SORCS1: variants seen among roughly 807,000 people sequenced by gnomAD.
The protein encoded by SORCS1 is sortilin related VPS10 domain containing receptor 1, also known as VPS10 domain-containing receptor SorCS1.
A neutral mutation model predicts 146.1 loss-of-function variants in SORCS1; 60 were observed. The ratio of observed to expected loss-of-function variants is 0.41; its 90% CI spans 0.33 to 0.51. The LOEUF (loss-of-function observed/expected upper bound fraction) is 0.51. Ranked by LOEUF, SORCS1 falls within the 20% of genes least tolerant of loss-of-function variation. The pLI is 0.21. For missense variants in SORCS1, 1,352 were observed against 1,487.6 expected, an observed-to-expected ratio of 0.91 and a Z score of 1.50; for synonymous variants, 637 against 584.0, an observed-to-expected ratio of 1.09 and a Z score of -1.31.
At chr10:106,869,675 A>G (rs749490989) in intron 2 of SORCS1, among the ~76,000 whole-genome samples, 60 of 152,198 alleles carry the variant, frequency 3.9e-4, no homozygotes, top group Non-Finnish European at 8.1e-4. Context: ...TAAACTAGGT[A>G]TTGAAGGAAC....
At chr10:107,133,554 G>T (rs1967030380) in intron 1 of SORCS1, among the ~76,000 whole-genome samples, 1 of 152,016 alleles carries the variant, frequency 6.6e-6, no homozygotes, top group Admixed American at 6.6e-5. Flanking sequence ...TACATTTGGG[G>T]GTATCATTTT....
chr10:107,057,472 A>G (rs979149182), intron 1 of SORCS1, among the ~76,000 whole-genome samples: 3 of 152,006 alleles, frequency 2.0e-5, no homozygotes, highest in African/African-American at 7.2e-5. Flanking sequence ...GCTTTTCCCA[A>G]TTTCTACCTC....
At chr10:107,106,104 G>A (rs537637955) in intron 1 of SORCS1, among the ~76,000 whole-genome samples, 1 of 152,306 alleles carries the variant, frequency 6.6e-6, no homozygotes, top group Admixed American at 6.5e-5. Flanking sequence ...GCTGGTGGGT[G>A]AAGAAAATGA....
intron 4 of SORCS1, 99 bp from the exon 5 acceptor site, chr10:106,761,760 C>A (rs1859128022): frequency 2.9e-6 from 3 of 1,017,998 alleles, no homozygotes; most frequent in East Asian, 2.6e-5. Flanking sequence ...TAATACCCAA[C>A]ATTTACTGAA....
At chr10:106,901,563 A>C (rs1951701689) in intron 2 of SORCS1, among the ~76,000 whole-genome samples, 1 of 152,046 alleles carries the variant, frequency 6.6e-6, no homozygotes, top group Non-Finnish European at 1.5e-5. Flanking sequence ...CTCCCAAAGT[A>C]CCTGAGACTA....
intron 1 of SORCS1, among the ~76,000 whole-genome samples, chr10:107,161,766 C>T (rs958864306): frequency 1.3e-5 from 2 of 152,090 alleles, no homozygotes; most frequent in South Asian, 2.1e-4. Context: ...GGTCCAGATA[C>T]GTAGGACTGG....
chr10:107,074,574 G>C (rs1962723530), intron 1 of SORCS1, among the ~76,000 whole-genome samples: 1 of 152,182 alleles, frequency 6.6e-6, no homozygotes, highest in Admixed American at 6.6e-5. Flanking sequence ...GAGTGCAATT[G>C]CTGGATCATT....
intron 1 of SORCS1, among the ~76,000 whole-genome samples, chr10:106,992,826 C>CTTTTTTTTTTT (rs36052970): frequency 3.2e-4 from 18 of 57,086 alleles, no homozygotes; most frequent in East Asian, 4.6e-4. Flanking sequence ...TTCTTTCTTT[C>CTTTTTTTTTTT]TTTTTTTTTT....
chr10:106,794,893 G>A (rs1219337343), intron 3 of SORCS1, among the ~76,000 whole-genome samples: 2 of 152,138 alleles, frequency 1.3e-5, no homozygotes, highest in Non-Finnish European at 2.9e-5. Context: ...TAAGTCAATA[G>A]GTATTTGAGT....
chr10:106,814,546 A>G (rs1219470122), intron 3 of SORCS1, among the ~76,000 whole-genome samples: 1 of 152,222 alleles, frequency 6.6e-6, no homozygotes, highest in African/African-American at 2.4e-5. Context: ...TGGTATTTTT[A>G]TAAGGATAAG....
intron 1 of SORCS1, among the ~76,000 whole-genome samples, chr10:107,007,963 C>T (rs1957526883): frequency 6.6e-6 from 1 of 151,916 alleles, no homozygotes. Flanking sequence ...TTCAGCTCCT[C>T]CCATGATAAT....
At chr10:107,017,508 C>T (rs898496814) in intron 1 of SORCS1, among the ~76,000 whole-genome samples, 2 of 152,138 alleles carry the variant, frequency 1.3e-5, no homozygotes, top group African/African-American at 4.8e-5. Context: ...ACAGAAAAGG[C>T]AATGATGGGG....
chr10:106,623,653 TTTTTTA>T (rs1334211234), intron 19 of SORCS1, among the ~76,000 whole-genome samples: 2 of 151,912 alleles, frequency 1.3e-5, no homozygotes, highest in African/African-American at 2.4e-5. Flanking sequence ...TTCACTCAGT[TTTTTTA>T]TTTTTATTTA....
intron 1 of SORCS1, among the ~76,000 whole-genome samples, chr10:107,077,824 G>T (rs907175828): frequency 6.6e-6 from 1 of 152,102 alleles, no homozygotes; most frequent in African/African-American, 2.4e-5. Flanking sequence ...CAATGGAAAA[G>T]AAGAGATTTA....
intron 1 of SORCS1, among the ~76,000 whole-genome samples, chr10:107,104,901 G>A (rs187353868): frequency 8.7e-4 from 132 of 152,286 alleles, no homozygotes; most frequent in African/African-American, 3.1e-3. Flanking sequence ...TAGTTGTGTG[G>A]GAAATAGGAT....
intron 2 of SORCS1, among the ~76,000 whole-genome samples, chr10:106,911,865 A>C (rs1003593532): frequency 2.6e-4 from 40 of 152,144 alleles, no homozygotes; most frequent in Admixed American, 8.5e-4. Flanking sequence ...GTGATCCCAG[A>C]ACTTTGGGAG....
Position 107,164,692 on chromosome 10 carries a change from C to T in SORCS1, c.-166G>A, listed in dbSNP as rs1160477915. Among the ~76,000 whole-genome samples the T allele has an allele frequency of 3.3e-5, 5 of 150,174 alleles. No homozygotes were observed. The highest frequency in any genetic ancestry group is 7.4e-5 in the Non-Finnish European group (5 of 67,432). ...CGCCGGGCAGGTGGCGGCCGCTTGC[C>T]CGGGCTGGGCTTGTGCCGAGCGCGG... On this transcript the variant is annotated 5_prime_UTR_variant, in exon 1 of 26. Transcript: ENST00000263054. This position sits in a 1 kb window ranked among gnomAD's most constrained non-coding sequence, Gnocchi z 6.8.
chr10:106,714,952 C>T (rs1855260694), intron 6 of SORCS1, among the ~76,000 whole-genome samples: 2 of 152,050 alleles, frequency 1.3e-5, no homozygotes, highest in South Asian at 2.1e-4. Flanking sequence ...AAGAGGTCTT[C>T]AAACCACTTC....
intron 1 of SORCS1, among the ~76,000 whole-genome samples, chr10:107,153,786 T>A (rs1186062705): frequency 6.6e-6 from 1 of 152,168 alleles, no homozygotes; most frequent in African/African-American, 2.4e-5. Context: ...TAAAATAACT[T>A]TTAAAAATAA....
Sources: gnomAD v4.1 joint callset for allele counts (sites outside exome capture counted in the v4.1 genomes callset) on GRCh38, gnomAD v4.1.1 for gene constraint, Gnocchi (gnomAD v3.1) non-coding constraint, MANE v1.5 for transcripts, NCBI Gene and HGNC (gene_info 2026-07-23, HGNC 2026-07-21) for gene names.